Variants in PSTPIP2 observed in about 807,000 individuals in gnomAD.
PSTPIP2 encodes proline-serine-threonine phosphatase-interacting protein 2.
A neutral mutation model predicts 63.3 loss-of-function variants in PSTPIP2; 33 were observed. The ratio of observed to expected loss-of-function variants is 0.52; its 90% confidence interval spans 0.40 to 0.70. PSTPIP2 has a LOEUF of 0.70. Ranked by LOEUF, PSTPIP2 falls within the 30% of genes least tolerant of loss-of-function variation. The probability of loss-of-function intolerance (pLI) is 0.00; values close to 1 mark genes in which losing one functional copy is unlikely to be tolerated. For synonymous variants in PSTPIP2, 125 were observed against 132.7 expected, an observed-to-expected ratio of 0.94 and a Z score of 0.40; for missense variants, 312 against 400.7, an observed-to-expected ratio of 0.78 and a Z score of 1.89.
chr18:45,993,931 G>C (rs1568209561), intron 9 of PSTPIP2: 4 of 496,026 alleles, frequency 8.1e-6, no homozygotes, highest in Non-Finnish European at 1.5e-5. Flanking sequence ...TAGTTCTGAG[G>C]GTAAAAAGTA....
intron 1 of PSTPIP2, among the ~76,000 whole-genome samples, chr18:46,041,931 T>C (rs1320955262): frequency 6.6e-6 from 1 of 152,138 alleles, no homozygotes; most frequent in African/African-American, 2.4e-5. Context: ...TTTCTAAAGA[T>C]ACCTCTCTAC....
intron 4 of PSTPIP2, among the ~76,000 whole-genome samples, chr18:46,014,931 G>A (rs1599715716): frequency 6.6e-6 from 1 of 152,178 alleles, no homozygotes; most frequent in South Asian, 2.1e-4. Flanking sequence ...TGTCAGGGAT[G>A]AGGATGTTTT....
chr18:45,991,752 G>T, intron 12 of PSTPIP2, 150 bp downstream of exon 12: 1 of 699,772 alleles, frequency 1.4e-6, no homozygotes, highest in Non-Finnish European at 2.3e-6. Context: ...CTTAATATTT[G>T]TCCTAAAAAT....
chr18:46,034,391 G>C (rs1458812448), intron 2 of PSTPIP2, among the ~76,000 whole-genome samples: 3 of 152,172 alleles, frequency 2.0e-5, no homozygotes, highest in Non-Finnish European at 2.9e-5. Context: ...TTTCTCAAGA[G>C]ACCATTAAGT....
chr18:45,997,930 T>A (rs1283099151), intron 8 of PSTPIP2, 102 bp from the exon 9 acceptor site: 2 of 987,748 alleles, frequency 2.0e-6, no homozygotes, highest in Non-Finnish European at 3.2e-6. Flanking sequence ...CTCATCCGAG[T>A]TGTGCTGAGC....
chr18:46,028,395 C>A, intron 2 of PSTPIP2: 1 of 516,064 alleles, frequency 1.9e-6, no homozygotes, highest in Non-Finnish European at 3.8e-6. Context: ...CCAGGCCAAG[C>A]GCGGCGAGGG....
chr18:46,066,878 T>C (rs1265777579), intron 1 of PSTPIP2, among the ~76,000 whole-genome samples: 1 of 151,760 alleles, frequency 6.6e-6, no homozygotes, highest in African/African-American at 2.4e-5. Flanking sequence ...ATACAAAAAA[T>C]TAGCCGGGCG....
intron 2 of PSTPIP2, among the ~76,000 whole-genome samples, chr18:46,025,744 C>T (rs1907557099): frequency 1.3e-5 from 2 of 151,678 alleles, no homozygotes; most frequent in Non-Finnish European, 2.9e-5. Flanking sequence ...AACATCTGAA[C>T]ATCTGTGGAC....
At chr18:46,043,909 A>T (rs1365293370) in intron 1 of PSTPIP2, among the ~76,000 whole-genome samples, 1 of 152,198 alleles carries the variant, frequency 6.6e-6, no homozygotes, top group African/African-American at 2.4e-5. Flanking sequence ...AAAAAGATAA[A>T]CTATACAGGG....
At chr18:45,996,294 G>T (rs914547429) in intron 9 of PSTPIP2, among the ~76,000 whole-genome samples, 1 of 152,228 alleles carries the variant, frequency 6.6e-6, no homozygotes, top group Non-Finnish European at 1.5e-5. Flanking sequence ...TGGGGCAGGC[G>T]TGTCTGTCAA....
intron 4 of PSTPIP2, among the ~76,000 whole-genome samples, chr18:46,013,279 C>T (rs752209203): frequency 6.6e-6 from 1 of 152,008 alleles, no homozygotes; most frequent in Non-Finnish European, 1.5e-5. Context: ...TGATGAGTTA[C>T]GGAGGGAAGA....
chr18:46,005,460 G>A lies in PSTPIP2; in HGVS notation c.417+9C>T. On this transcript the variant is annotated intron_variant, in intron 6 of 14. Transcript: ENST00000409746. ...ATTATCCCAAAAAAGACAATAAAAT[G>A]TGACTCACATCCATGGTTTTCTTGA... 10 of 1,578,260 alleles carry A rather than the reference G, an allele frequency of 6.3e-6. No individual in the cohort carries two copies. The highest frequency in any genetic ancestry group is 8.7e-6 in the Non-Finnish European group (10 of 1,149,654).
At chr18:46,036,935 A>G (rs1164870659) in intron 2 of PSTPIP2, among the ~76,000 whole-genome samples, 1 of 152,228 alleles carries the variant, frequency 6.6e-6, no homozygotes, top group African/African-American at 2.4e-5. Flanking sequence ...GGGCATGTTT[A>G]GCATGTACCA....
At chr18:46,067,191 G>GGT in intron 1 of PSTPIP2, among the ~76,000 whole-genome samples, 1 of 152,172 alleles carries the variant, frequency 6.6e-6, no homozygotes, top group East Asian at 1.9e-4. Flanking sequence ...GTGTTTCTGG[G>GGT]GACCAGATTG....
intron 1 of PSTPIP2, among the ~76,000 whole-genome samples, chr18:46,063,177 A>AT (rs1001984630): frequency 1.3e-5 from 2 of 151,664 alleles, no homozygotes; most frequent in Admixed American, 6.6e-5. Context: ...TAATTTTAAA[A>AT]TTTTTTTTGT....
chr18:46,015,376 G>A (rs2051841983), intron 4 of PSTPIP2, among the ~76,000 whole-genome samples: 1 of 152,202 alleles, frequency 6.6e-6, no homozygotes, highest in Non-Finnish European at 1.5e-5. Context: ...AAACCAGACT[G>A]AGCATAAGAA....
chr18:46,067,362 G>T (rs1909229789), intron 1 of PSTPIP2, among the ~76,000 whole-genome samples: 1 of 151,866 alleles, frequency 6.6e-6, no homozygotes, highest in Admixed American at 6.6e-5. Context: ...AATTAGCCGG[G>T]CGTGGTGGCG....
chr18:46,038,153 T>C (rs1242673743), intron 2 of PSTPIP2, among the ~76,000 whole-genome samples: 1 of 152,212 alleles, frequency 6.6e-6, no homozygotes. Context: ...CTTGAACTCC[T>C]GGGCTAAGTG....
At chr18:46,042,006 G>C (rs1017987594) in intron 1 of PSTPIP2, among the ~76,000 whole-genome samples, 1 of 152,176 alleles carries the variant, frequency 6.6e-6, no homozygotes, top group Admixed American at 6.6e-5. Context: ...TGATGGCCTA[G>C]TTGAGCAGAC....
Sources: allele counts gnomAD v4.1 joint callset (sites outside exome capture counted in the v4.1 genomes callset), GRCh38; gene constraint gnomAD v4.1.1; transcripts MANE v1.5; gene names NCBI Gene and HGNC (gene_info 2026-07-23, HGNC 2026-07-21).